The following ARHGAP15 variants were observed in gnomAD, a reference collection of about 807,000 sequenced individuals.
ARHGAP15 encodes Rho GTPase activating protein 15, also known as rho GTPase-activating protein 15.
ARHGAP15 carries 51 observed loss-of-function variants against 63.7 expected under a neutral mutation model. The observed-to-expected ratio is 0.80, with a 90% CI of 0.64 to 1.01. ARHGAP15 has a LOEUF of 1.01. Among genes scored for constraint, ARHGAP15 ranks in the 50% least tolerant of loss-of-function variants. The pLI is 0.00. For missense variants in ARHGAP15, 560 were observed against 564.6 expected (o/e 0.99, Z 0.08); for synonymous variants, 191 against 193.8 (o/e 0.99, Z 0.12).
chr2:143,213,028 C>T lies in ARHGAP15; in HGVS notation c.235-3356C>T, dbSNP rs145691435. Among the ~76,000 whole-genome samples, 385 of 152,184 alleles carry T rather than the reference C, an allele frequency of 2.5e-3. 2 individuals are homozygous for T. Among genetic ancestry groups the T allele is most frequent in the African/African-American group, 8.9e-3 (370 of 41,526 alleles). On this transcript the variant is annotated intron_variant, in intron 3 of 13. Coordinates refer to ENST00000295095, the MANE Select transcript of ARHGAP15 (RefSeq NM_018460.4). ...ATGACTTAAGCAGGGCATGGTATCC[C>T]GTCCCCCCAGAAAAGGAGCAGGAAT...
At chr2:143,447,077 G>A (rs952774766) in intron 8 of ARHGAP15, among the ~76,000 whole-genome samples, 7 of 151,908 alleles carry the variant, frequency 4.6e-5, no homozygotes, top group South Asian at 2.1e-4. Flanking sequence ...GAATAGTCCC[G>A]CAATAAACAT....
chr2:143,374,511 GTT>G (rs1686718179), intron 6 of ARHGAP15, among the ~76,000 whole-genome samples: 1 of 151,888 alleles, frequency 6.6e-6, no homozygotes, highest in African/African-American at 2.4e-5. Context: ...GGGGGTTTCT[GTT>G]TGCTTTTTTG....
intron 9 of ARHGAP15, among the ~76,000 whole-genome samples, chr2:143,489,289 G>T (rs575234932): frequency 1.3e-5 from 2 of 152,156 alleles, no homozygotes; most frequent in Non-Finnish European, 2.9e-5. Context: ...CAATGGAACC[G>T]CTAAACACAC....
At chr2:143,397,393 A>C (rs368314757) in intron 6 of ARHGAP15, among the ~76,000 whole-genome samples, 6 of 151,492 alleles carry the variant, frequency 4.0e-5, no homozygotes, top group African/African-American at 1.5e-4. Flanking sequence ...ATGTGTGACT[A>C]GTACTTACAT....
At chr2:143,430,702 G>A (rs543864746) in intron 6 of ARHGAP15, among the ~76,000 whole-genome samples, 2 of 152,040 alleles carry the variant, frequency 1.3e-5, no homozygotes, top group African/African-American at 4.8e-5. Flanking sequence ...AGTGTATGTT[G>A]ATATAACTTT....
intron 6 of ARHGAP15, among the ~76,000 whole-genome samples, chr2:143,309,601 T>A (rs556802661): frequency 6.6e-6 from 1 of 152,206 alleles, no homozygotes; most frequent in South Asian, 2.1e-4. Flanking sequence ...GGTTAGTTGA[T>A]ACAAATACTT....
intron 13 of ARHGAP15, among the ~76,000 whole-genome samples, chr2:143,752,802 T>G (rs1278857780): frequency 6.6e-6 from 1 of 152,096 alleles, no homozygotes; most frequent in Non-Finnish European, 1.5e-5. Context: ...CCTGTCAAAG[T>G]CGTCCCACAG....
intron 13 of ARHGAP15, among the ~76,000 whole-genome samples, chr2:143,752,315 T>C (rs377606019): frequency 6.6e-6 from 1 of 152,230 alleles, no homozygotes; most frequent in East Asian, 1.9e-4. Context: ...ATATCAACGA[T>C]GCTTAGCAAC....
chr2:143,754,273 A>G (rs138086740), intron 13 of ARHGAP15, among the ~76,000 whole-genome samples: 2 of 152,340 alleles, frequency 1.3e-5, no homozygotes, highest in African/African-American at 2.4e-5. Flanking sequence ...GTCTATGGAT[A>G]CAGCACTAAG....
At chr2:143,289,802 G>A (rs994705379) in intron 6 of ARHGAP15, among the ~76,000 whole-genome samples, 7 of 152,006 alleles carry the variant, frequency 4.6e-5, no homozygotes, top group African/African-American at 1.7e-4. Context: ...CTAAGGTAAG[G>A]CCAGAAGAAA....
intron 11 of ARHGAP15, among the ~76,000 whole-genome samples, chr2:143,611,713 A>G (rs1249600311): frequency 6.6e-6 from 1 of 152,210 alleles, no homozygotes; most frequent in East Asian, 1.9e-4. Flanking sequence ...AAGTGTCAAT[A>G]GCATCCCCCA....
chr2:143,319,425 T>TC (rs1480699337), intron 6 of ARHGAP15, among the ~76,000 whole-genome samples: 2 of 152,110 alleles, frequency 1.3e-5, no homozygotes, highest in African/African-American at 4.8e-5. Context: ...TTTCACCATG[T>TC]TAGCCAGGCT....
chr2:143,571,600 T>C (rs564930762), intron 11 of ARHGAP15, among the ~76,000 whole-genome samples: 1 of 152,310 alleles, frequency 6.6e-6, no homozygotes, highest in Admixed American at 6.5e-5. Flanking sequence ...AATAATTCCC[T>C]TTAAATAGCA....
intron 12 of ARHGAP15, among the ~76,000 whole-genome samples, chr2:143,657,298 G>A (rs1398632433): frequency 6.6e-6 from 1 of 152,208 alleles, no homozygotes; most frequent in Non-Finnish European, 1.5e-5. Flanking sequence ...AGTGAGCCGA[G>A]ATCGCGCCAC....
At chr2:143,707,080 G>A (rs917857328) in intron 13 of ARHGAP15, among the ~76,000 whole-genome samples, 1 of 152,150 alleles carries the variant, frequency 6.6e-6, no homozygotes, top group African/African-American at 2.4e-5. Flanking sequence ...CTAGGGAATC[G>A]TTAACCTTTT....
chr2:143,644,440 C>T (rs568308243), intron 12 of ARHGAP15, among the ~76,000 whole-genome samples: 25 of 151,964 alleles, frequency 1.6e-4, no homozygotes, highest in African/African-American at 5.3e-4. Flanking sequence ...GATCAGCTTC[C>T]GGGGAGAAAT....
intron 6 of ARHGAP15, among the ~76,000 whole-genome samples, chr2:143,299,974 A>C (rs899425044): frequency 2.6e-5 from 4 of 152,006 alleles, no homozygotes; most frequent in African/African-American, 9.7e-5. Flanking sequence ...TCCTATATCA[A>C]CAAAAATCTA....
chr2:143,594,526 T>A (rs1363948366), intron 11 of ARHGAP15, among the ~76,000 whole-genome samples: 1 of 152,180 alleles, frequency 6.6e-6, no homozygotes, highest in Non-Finnish European at 1.5e-5. Flanking sequence ...TTAGTAATAA[T>A]ATGAATGTAA....
chr2:143,500,363 T>C (rs996790293), intron 9 of ARHGAP15, among the ~76,000 whole-genome samples: 1 of 151,994 alleles, frequency 6.6e-6, no homozygotes, highest in Non-Finnish European at 1.5e-5. Flanking sequence ...TAAGTCCATA[T>C]AGTATGTACT....
Sources: allele counts gnomAD v4.1 joint callset (sites outside exome capture counted in the v4.1 genomes callset), GRCh38; gene constraint gnomAD v4.1.1; transcripts MANE v1.5; gene names NCBI Gene and HGNC (gene_info 2026-07-23, HGNC 2026-07-21).